SORCS1: variants seen among roughly 807,000 people sequenced by gnomAD.
The protein encoded by SORCS1 is sortilin related VPS10 domain containing receptor 1.
A neutral mutation model predicts 146.1 loss-of-function variants in SORCS1; 60 were observed. The ratio of observed to expected loss-of-function variants is 0.41; its 90% CI spans 0.33 to 0.51. The LOEUF (loss-of-function observed/expected upper bound fraction) is 0.51, where lower values mean the gene tolerates loss of function less well. SORCS1 is among the 20% of genes least tolerant of loss of function. The pLI is 0.21. For missense variants in SORCS1, 1,352 were observed against 1,487.6 expected (o/e 0.91, Z 1.50); for synonymous variants, 637 against 584.0 (o/e 1.09, Z -1.31).
chr10:106,746,959 C>T (rs909532393), intron 5 of SORCS1, among the ~76,000 whole-genome samples: 2 of 152,198 alleles, frequency 1.3e-5, no homozygotes, highest in African/African-American at 4.8e-5. Flanking sequence ...CAGAAGCTAT[C>T]CCAAGTGCAT....
intron 1 of SORCS1, among the ~76,000 whole-genome samples, chr10:107,157,774 C>T (rs568955737): frequency 6.6e-6 from 1 of 152,252 alleles, no homozygotes; most frequent in African/African-American, 2.4e-5. Context: ...TCCGTACAAT[C>T]GGAGCAGAGT....
Position 106,674,328 on chromosome 10 carries a change from C to CAAAAAAAA in SORCS1, c.1940+713_1940+720dup, listed in dbSNP as rs10658432. Among the ~76,000 whole-genome samples, 244 of 27,372 alleles carry CAAAAAAAA rather than the reference C, an allele frequency of 8.9e-3. 97 individuals are homozygous for CAAAAAAAA. The highest frequency in any genetic ancestry group is 0.037 in the African/African-American group (181 of 4,940). The allele number at this position is 27,372 out of a possible 152,430, so 18.0% of individuals were successfully genotyped here. On this transcript the variant is annotated intron_variant, in intron 14 of 25. Coordinates refer to ENST00000263054, the MANE Select transcript of SORCS1 (RefSeq NM_052918.5). ...TGGGCGACAGAGTAAGACTCCGTCT[C>CAAAAAAAA]AAAAAAAAAAAAAAAAAAAAAAAAA...
chr10:107,180,984 A>T, the SORCS1 span, among the ~76,000 whole-genome samples: 1 of 152,236 alleles, frequency 6.6e-6, no homozygotes, highest in South Asian at 2.1e-4. Flanking sequence ...GTCCATCTAA[A>T]CATATTTAAA....
In SORCS1 at chr10:107,003,845, A is replaced by G. The variant is rs562492064; in HGVS notation, c.559-47265T>C. Among the ~76,000 whole-genome samples, 195 of 152,260 alleles carry G rather than the reference A, an allele frequency of 1.3e-3. 1 individual carries two copies. The highest frequency in any genetic ancestry group is 1.0e-3 in the Non-Finnish European group (68 of 68,026). ...AGGGGGCAGGGAATAACAGAAACTC[A>G]TGATTCAAAAGCAATCCACAACAAA... On this transcript the variant is annotated intron_variant, in intron 1 of 25. Transcript: ENST00000263054.
intron 6 of SORCS1, among the ~76,000 whole-genome samples, chr10:106,727,678 C>T (rs1288183121): frequency 3.9e-5 from 6 of 152,136 alleles, no homozygotes; most frequent in African/African-American, 1.4e-4. Flanking sequence ...TGTATAAAAG[C>T]AATCAAAATA....
intron 2 of SORCS1, among the ~76,000 whole-genome samples, chr10:106,833,180 CCCT>C (rs1345527970): frequency 6.6e-6 from 1 of 152,150 alleles, no homozygotes; most frequent in Non-Finnish European, 1.5e-5. Context: ...CAATCCAGAT[CCCT>C]CAAGGTATCT....
intron 5 of SORCS1, among the ~76,000 whole-genome samples, chr10:106,743,487 C>A (rs963112368): frequency 6.6e-6 from 1 of 152,122 alleles, no homozygotes; most frequent in African/African-American, 2.4e-5. Context: ...AGCAATGGTG[C>A]GATCTCAGCT....
At chr10:106,971,441 A>G (rs1299771044) in intron 1 of SORCS1, among the ~76,000 whole-genome samples, 2 of 152,240 alleles carry the variant, frequency 1.3e-5, no homozygotes, top group African/African-American at 4.8e-5. Context: ...AATTATTGTA[A>G]CTAGCCTCTT....
At position 107,164,355 on chromosome 10, in the gene SORCS1, G is replaced by C; in HGVS notation, c.172C>G (p.His58Asp). Reference sequence around the variant, plus strand: ...GGAGCCCTGCCTGGCCGCCCCTGGTGGGAAAAGCCCCTAGGGGTCGAGGCC... The same window carrying C: ...GGAGCCCTGCCTGGCCGCCCCTGGTCGGAAAAGCCCCTAGGGGTCGAGGCC... ...RSASTPRGFS[H>D]QGRPGRAPAT... Residue 58 changes from histidine to aspartate, a missense_variant, in exon 1 of 26, where the codon CAC becomes GAC. His to Asp is a moderately conservative substitution (Grantham distance 81, BLOSUM62 -1). Around this residue, in one of 3 missense-constraint regions of SORCS1, gnomAD observed 490 missense variants for 489.1 expected, o/e 1.00. Transcript: ENST00000263054. The surrounding 1 kb of genome is among the most constrained non-coding windows in gnomAD (Gnocchi z 6.8). The C allele has an allele frequency of 6.6e-7, 1 of 1,520,526 alleles. No homozygotes were observed. Among genetic ancestry groups the C allele is most frequent in the East Asian group, 2.5e-5 (1 of 40,768 alleles). 94.2% of individuals were successfully genotyped at this position (1,520,526 alleles called of 1,614,324 possible).
At chr10:106,908,969 C>T (rs1237366396) in intron 2 of SORCS1, among the ~76,000 whole-genome samples, 3 of 152,120 alleles carry the variant, frequency 2.0e-5, no homozygotes, top group African/African-American at 2.4e-5. Flanking sequence ...TTGTATCCTC[C>T]CTGTCTTCTC....
At chr10:106,761,405 A>C (rs1386108750) in intron 5 of SORCS1, among the ~76,000 whole-genome samples, 183 bp downstream of exon 5, 1 of 152,218 alleles carries the variant, frequency 6.6e-6, no homozygotes, top group Non-Finnish European at 1.5e-5. Flanking sequence ...CACATTTTTT[A>C]ACATTCTCTT....
intron 1 of SORCS1, among the ~76,000 whole-genome samples, chr10:107,078,607 T>C (rs1009949212): frequency 6.6e-6 from 1 of 152,130 alleles, no homozygotes; most frequent in Non-Finnish European, 1.5e-5. Context: ...CAGTATCAGA[T>C]CTTCTTTTCA....
At chr10:106,869,792 T>C (rs182678423) in intron 2 of SORCS1, among the ~76,000 whole-genome samples, 11 of 152,254 alleles carry the variant, frequency 7.2e-5, no homozygotes, top group Admixed American at 3.9e-4. Flanking sequence ...AAGACAAGGA[T>C]GCCCTCTCTC....
intron 1 of SORCS1, among the ~76,000 whole-genome samples, chr10:106,985,453 T>C (rs1471520181): frequency 6.6e-6 from 1 of 151,628 alleles, no homozygotes; most frequent in African/African-American, 2.4e-5. Context: ...AGAATGGAAA[T>C]AGGAAAGGAA....
intron 1 of SORCS1, among the ~76,000 whole-genome samples, chr10:107,107,915 T>G (rs1172386819): frequency 6.6e-6 from 1 of 152,222 alleles, no homozygotes; most frequent in Admixed American, 6.5e-5. Context: ...CCAGCCAAAG[T>G]TGAGTCTGGA....
At chr10:106,614,981 C>T (rs570662652) in intron 21 of SORCS1, among the ~76,000 whole-genome samples, 3 of 152,256 alleles carry the variant, frequency 2.0e-5, no homozygotes, top group South Asian at 4.2e-4. Context: ...GATTGTGTGG[C>T]TTTGAGTAGA....
At chr10:106,765,568 G>A (rs543526518) in intron 4 of SORCS1, among the ~76,000 whole-genome samples, 2 of 152,220 alleles carry the variant, frequency 1.3e-5, no homozygotes, top group South Asian at 4.1e-4. Context: ...GCTGCCAGTT[G>A]GGTGGTAGGC....
At chr10:106,800,513 CTTTTTTTTTTTT>C (rs763659103) in intron 3 of SORCS1, among the ~76,000 whole-genome samples, 3 of 89,072 alleles carry the variant, frequency 3.4e-5, no homozygotes, top group Non-Finnish European at 6.8e-5. Context: ...CTAGGTGAAT[CTTTTTTTTTTTT>C]TTTTTTTTTT....
At chr10:107,005,090 C>CT (rs1957383093) in intron 1 of SORCS1, among the ~76,000 whole-genome samples, 1 of 152,164 alleles carries the variant, frequency 6.6e-6, no homozygotes. Flanking sequence ...CAGCAATCAA[C>CT]TCTAAGGAAA....
Sources: gnomAD v4.1 joint callset for allele counts (sites outside exome capture counted in the v4.1 genomes callset) on GRCh38, gnomAD v4.1.1 for gene constraint, gnomAD v4.1.1 regional missense constraint, Gnocchi (gnomAD v3.1) non-coding constraint, MANE v1.5 for transcripts, NCBI Gene and HGNC (gene_info 2026-07-23, HGNC 2026-07-21) for gene names.